Variants in ALK observed in about 807,000 individuals in gnomAD.
The protein encoded by ALK is ALK receptor tyrosine kinase, also known as ALK tyrosine kinase receptor.
ALK carries 74 observed loss-of-function variants against 163.1 expected under a neutral mutation model. The ratio of observed to expected loss-of-function variants is 0.45; its 90% CI spans 0.38 to 0.55. The LOEUF (loss-of-function observed/expected upper bound fraction) is 0.55, where lower values mean the gene tolerates loss of function less well. Ranked by LOEUF, ALK falls within the 20% of genes least tolerant of loss-of-function variation. The probability of loss-of-function intolerance (pLI) is 0.00; values close to 1 mark genes in which losing one functional copy is unlikely to be tolerated. For synonymous variants in ALK, 960 were observed against 843.2 expected (o/e 1.14, Z -2.40); for missense variants, 2,063 against 2,105.3 (o/e 0.98, Z 0.39).
intron 3 of ALK, among the ~76,000 whole-genome samples, chr2:29,567,348 G>T (rs1674220820): frequency 2.0e-5 from 3 of 152,204 alleles, no homozygotes. Context: ...CTTTCCAAGA[G>T]CCAAGAAGCA....
At chr2:29,639,282 A>G (rs1558420788) in intron 3 of ALK, among the ~76,000 whole-genome samples, 1 of 152,126 alleles carries the variant, frequency 6.6e-6, no homozygotes, top group African/African-American at 2.4e-5. Context: ...CACCTCCGTA[A>G]GCTGTTCCAG....
At chr2:29,904,558 G>T (rs1667490555) in intron 1 of ALK, among the ~76,000 whole-genome samples, 1 of 152,092 alleles carries the variant, frequency 6.6e-6, no homozygotes, top group Non-Finnish European at 1.5e-5. Flanking sequence ...TATCTTCAGT[G>T]CTCTAACCAT....
chr2:29,389,903 G>GA, intron 4 of ALK, among the ~76,000 whole-genome samples: 1 of 152,150 alleles, frequency 6.6e-6, no homozygotes, highest in East Asian at 1.9e-4. Context: ...TTGAGACCTG[G>GA]AGGATACCTG....
chr2:29,413,291 T>C (rs556465727), intron 4 of ALK, among the ~76,000 whole-genome samples: 11 of 152,136 alleles, frequency 7.2e-5, no homozygotes, highest in Admixed American at 2.0e-4. Context: ...TCTTTATAAG[T>C]AGAAAGAGCA....
intron 1 of ALK, among the ~76,000 whole-genome samples, chr2:29,772,475 A>G (rs1681053772): frequency 1.3e-5 from 2 of 152,214 alleles, no homozygotes; most frequent in African/African-American, 2.4e-5. Context: ...CTTGGCACAT[A>G]TGCAGATGCA....
At chr2:29,696,581 C>A (rs1214733448) in intron 2 of ALK, among the ~76,000 whole-genome samples, 2 of 147,294 alleles carry the variant, frequency 1.4e-5, no homozygotes, top group African/African-American at 5.0e-5. Flanking sequence ...GGAACTTCAG[C>A]ATGCTTTGCA....
chr2:29,207,938 G>C (rs536241073), intron 25 of ALK: 3 of 404,844 alleles, frequency 7.4e-6, no homozygotes, highest in East Asian at 7.5e-5. Context: ...GTCTAGCCTG[G>C]TGTTCTCCTG....
At chr2:29,635,856 C>T (rs530756856) in intron 3 of ALK, among the ~76,000 whole-genome samples, 24 of 151,968 alleles carry the variant, frequency 1.6e-4, no homozygotes, top group African/African-American at 5.6e-4. Context: ...GTCACGAACT[C>T]CTGACCTCAA....
At chr2:29,269,827 C>G (rs1665332691) in intron 11 of ALK, among the ~76,000 whole-genome samples, 1 of 152,168 alleles carries the variant, frequency 6.6e-6, no homozygotes, top group Admixed American at 6.5e-5. Flanking sequence ...TGGGTGCTAA[C>G]AGAAGTGCCT....
intron 3 of ALK, among the ~76,000 whole-genome samples, chr2:29,655,349 G>A (rs1286810664): frequency 6.6e-6 from 1 of 152,066 alleles, no homozygotes; most frequent in Non-Finnish European, 1.5e-5. Context: ...TATAATTTTG[G>A]GAAGATGTCA....
chr2:29,436,718 C>G (rs544942518), intron 4 of ALK, among the ~76,000 whole-genome samples: 2 of 152,310 alleles, frequency 1.3e-5, no homozygotes, highest in South Asian at 4.1e-4. Context: ...TCTGTGACCA[C>G]AATTCAATTT....
chr2:29,636,803 A>G (rs1205740135), intron 3 of ALK, among the ~76,000 whole-genome samples: 2 of 152,236 alleles, frequency 1.3e-5, no homozygotes, highest in African/African-American at 4.8e-5. Flanking sequence ...ACATTGTATC[A>G]AAAAGGATAA....
At chr2:29,684,343 G>C (rs1431875119) in intron 3 of ALK, among the ~76,000 whole-genome samples, 1 of 152,202 alleles carries the variant, frequency 6.6e-6, no homozygotes, top group African/African-American at 2.4e-5. Context: ...CCAATTTAGA[G>C]ACTGAGGTCT....
chr2:29,844,402 C>A lies in ALK; in HGVS notation c.667+75591G>T, dbSNP rs1336285608. On this transcript the variant is annotated intron_variant, in intron 1 of 28. Transcript: ENST00000389048. The stretch of plus-strand genomic sequence containing the variant: ...GGAATATTTTACCTTATCCTAAGAG[C>A]AAGGTGAGACAATGAACAACAGGAT... 2.0e-5 allele frequency among the ~76,000 whole-genome samples: 3 copies of A among 152,056 alleles called. No homozygotes were observed. The East Asian group carries it at 5.8e-4, about 29-fold the overall frequency.
At chr2:29,691,807 T>G (rs911174334) in intron 3 of ALK, among the ~76,000 whole-genome samples, 2 of 152,238 alleles carry the variant, frequency 1.3e-5, no homozygotes, top group African/African-American at 4.8e-5. Context: ...TTATTGGCAC[T>G]GTTTAAAAAC....
intron 4 of ALK, among the ~76,000 whole-genome samples, chr2:29,453,617 C>T (rs1670878280): frequency 6.6e-6 from 1 of 151,824 alleles, no homozygotes; most frequent in Non-Finnish European, 1.5e-5. Flanking sequence ...TAGAACAGTA[C>T]CTGCTACATA....
At chr2:29,364,298 C>T (rs1240939012) in intron 5 of ALK, among the ~76,000 whole-genome samples, 6 of 152,160 alleles carry the variant, frequency 3.9e-5, no homozygotes, top group Admixed American at 1.3e-4. Context: ...TCTCTGTCCC[C>T]TCCTGGAAGG....
At chr2:29,867,537 T>C (rs933544212) in intron 1 of ALK, among the ~76,000 whole-genome samples, 7 of 152,210 alleles carry the variant, frequency 4.6e-5, no homozygotes, top group Non-Finnish European at 1.5e-5. Flanking sequence ...GTTTTGTCTC[T>C]GACAATTTAA....
intron 1 of ALK, among the ~76,000 whole-genome samples, chr2:29,836,666 T>C (rs1665570236): frequency 6.6e-6 from 1 of 152,208 alleles, no homozygotes; most frequent in African/African-American, 2.4e-5. Context: ...AGACCCCTAA[T>C]CTGTTACCTC....
Sources: gnomAD v4.1 joint callset for allele counts (sites outside exome capture counted in the v4.1 genomes callset) on GRCh38, gnomAD v4.1.1 for gene constraint, MANE v1.5 for transcripts, NCBI Gene and HGNC (gene_info 2026-07-23, HGNC 2026-07-21) for gene names.